ORMDL1: variants seen among roughly 807,000 people sequenced by gnomAD.
The protein encoded by ORMDL1 is ORMDL sphingolipid biosynthesis regulator 1.
ORMDL1 carries 10 observed loss-of-function variants against 13.0 expected under a neutral mutation model. The observed-to-expected ratio is 0.77, with a 90% CI of 0.47 to 1.30. The LOEUF is 1.30. Among genes scored for constraint, ORMDL1 ranks in the 50% most tolerant of loss-of-function variants. The pLI is 0.00. For missense variants in ORMDL1, 171 were observed against 186.7 expected (o/e 0.92, Z 0.49); for synonymous variants, 61 against 63.9 (o/e 0.95, Z 0.22).
At chr2:189,778,465 A>G (rs1005020575) in intron 3 of ORMDL1, 1 of 455,968 alleles carries the variant, frequency 2.2e-6, no homozygotes, top group Non-Finnish European at 4.4e-6. Flanking sequence ...TAAAACATAA[A>G]GAGATAAACT....
Position 189,775,617 on chromosome 2 carries a change from C to A in ORMDL1, c.274G>T (p.Gly92Ter). The A allele has an allele frequency of 1.2e-6, 2 of 1,613,830 alleles. No individual in the cohort carries two copies. Among genetic ancestry groups the A allele is most frequent in the Non-Finnish European group, 1.7e-6 (2 of 1,179,812 alleles). ...LLTHWEQLDYGVQFTSSRKFF... is the reference protein window; with the variant it reads ...LLTHWEQLDY ...TTCCGTGAAGATGTAAACTGTACTC[C>A]ATAGTCCAGTTGTTCCCAATGAGTT... The change falls in exon 4 of 5, where the codon GGA becomes TGA. Residue 92 changes from glycine to a stop codon, truncating the protein, a stop_gained. Transcript: ENST00000392349. LOFTEE classifies it high-confidence loss of function.
chr2:189,771,753 A>T lies in ORMDL1; in HGVS notation c.*14T>A. ...TTCAGTAGCTGTAAAATTTTTTTTC[A>T]GTTTCAAAACATTTCAATACTTATT... On this transcript the variant is annotated 3_prime_UTR_variant, in exon 5 of 5. Coordinates refer to ENST00000392349, the MANE Select transcript of ORMDL1 (RefSeq NM_016467.5). 6.4e-7 allele frequency: 1 copy of T among 1,571,998 alleles called. No individual in the cohort carries two copies. Among genetic ancestry groups the T allele is most frequent in the Non-Finnish European group, 8.6e-7 (1 of 1,166,000 alleles).
At chr2:189,769,164 G>A (rs772913762), downstream of ORMDL1, among the ~76,000 whole-genome samples, 1 of 152,144 alleles carries the variant, frequency 6.6e-6, no homozygotes, top group Non-Finnish European at 1.5e-5. Flanking sequence ...GAAGCGGGCA[G>A]ATCACTTGAG....
downstream of ORMDL1, among the ~76,000 whole-genome samples, chr2:189,770,010 G>A (rs2106136773): frequency 6.6e-6 from 1 of 152,276 alleles, no homozygotes; most frequent in East Asian, 1.9e-4. Context: ...AAAGGGAAGG[G>A]AGTTGGTTTT....
intron 3 of ORMDL1, among the ~76,000 whole-genome samples, chr2:189,777,524 A>AT (rs1442521062): frequency 6.6e-6 from 1 of 152,186 alleles, no homozygotes; most frequent in Non-Finnish European, 1.5e-5. Context: ...AAAACAGTTT[A>AT]TTTTATACAT....
Position 189,775,576 on chromosome 2 carries a change from A to G in ORMDL1, c.315T>C (p.Ser105=). ...FTSSRKFFTI[S]PIILYFLASF... is the part of the protein sequence containing the mutation. ...TTTCTGCCACTTACAGAATTATTGG[A>G]GAAATTGTGAAAAACTTCCGTGAAG... Residue 105 remains serine (S), a synonymous_variant, in exon 4 of 5, where the codon TCT becomes TCC. Coordinates refer to ENST00000392349, the MANE Select transcript of ORMDL1 (RefSeq NM_016467.5). 2 of 1,601,600 alleles carry G rather than the reference A, an allele frequency of 1.2e-6. No individual in the cohort carries two copies. Among genetic ancestry groups the G allele is most frequent in the Non-Finnish European group, 1.7e-6 (2 of 1,174,816 alleles).
chr2:189,768,757 C>A (rs2106135288), downstream of ORMDL1, among the ~76,000 whole-genome samples: 1 of 152,204 alleles, frequency 6.6e-6, no homozygotes. Flanking sequence ...CACAGCATAT[C>A]TGATCACCTC....
chr2:189,765,878 T>A (rs1402855499), downstream of ORMDL1, among the ~76,000 whole-genome samples: 1 of 6,044 alleles, frequency 1.7e-4, no homozygotes. Flanking sequence ...ACGTCTGGAT[T>A]GCAATTGGTG....
chr2:189,782,044 G>A (rs2047852306), intron 3 of ORMDL1, among the ~76,000 whole-genome samples: 1 of 151,768 alleles, frequency 6.6e-6, no homozygotes, highest in African/African-American at 2.4e-5. Flanking sequence ...CCAGGTTCAA[G>A]CGATTCTCCT....
At chr2:189,782,668 A>C in intron 2 of ORMDL1, 66 bp from the exon 3 acceptor site, 1 of 1,428,742 alleles carries the variant, frequency 7.0e-7, no homozygotes, top group Non-Finnish European at 9.7e-7. Flanking sequence ...CAATTCTGAC[A>C]TGACAAGGTA....
At chr2:189,765,236 TTATTAG>T in the ORMDL1 span, 5 of 152,220 alleles carry the variant, frequency 3.3e-5, no homozygotes, top group East Asian at 1.9e-4. Context: ...GCTAGGAACT[TTATTAG>T]TATAAGGATA....
At chr2:189,773,705 G>A (rs1372003440) in intron 4 of ORMDL1, among the ~76,000 whole-genome samples, 4 of 98,950 alleles carry the variant, frequency 4.0e-5, no homozygotes, top group African/African-American at 1.9e-4. Context: ...CTGGGCAGCA[G>A]AGCAAGACTC....
In ORMDL1 at chr2:189,771,557, C is replaced by A; in HGVS notation, c.*210G>T. On this transcript the variant is annotated 3_prime_UTR_variant, in exon 5 of 5. Coordinates refer to ENST00000392349, the MANE Select transcript of ORMDL1 (RefSeq NM_016467.5). ...GGCCTGCCCAGCCTGCTTATAAAGC[C>A]CCTCTTCAGAAATGTACCAGGTGTA... The A allele has an allele frequency of 2.5e-6, 1 of 398,062 alleles. No homozygotes were observed. Among genetic ancestry groups the A allele is most frequent in the Admixed American group, 4.5e-5 (1 of 22,398 alleles). 24.7% of individuals were successfully genotyped at this position (398,062 alleles called of 1,614,324 possible). A position where few individuals can be genotyped will look rare whatever the true frequency, so the allele number is the denominator to read the frequency against.
the ORMDL1 span, chr2:189,764,217 T>C: frequency 7.2e-5 from 11 of 152,234 alleles, no homozygotes; most frequent in Non-Finnish European, 1.5e-4. Flanking sequence ...AAATTAGTCA[T>C]ACGGTTAGAG....
Position 189,784,285 on chromosome 2 carries a change from G to A in ORMDL1, c.-134C>T, listed in dbSNP as rs1040544800. 1 of 152,560 alleles carries A rather than the reference G, an allele frequency of 6.6e-6. No homozygotes were observed. The highest frequency in any genetic ancestry group is 1.5e-5 in the Non-Finnish European group (1 of 68,338). The allele number at this position is 152,560 out of a possible 1,614,324, so 9.5% of individuals were successfully genotyped here. On this transcript the variant is annotated 5_prime_UTR_variant, in exon 1 of 5. Transcript: ENST00000392349. ...CCCACTTACCCGCCGCCCCACTCCG[G>A]GCCGCCGGCTCGCAGCAGGACCAGC...
At chr2:189,777,897 G>A (rs2047733519) in intron 3 of ORMDL1, among the ~76,000 whole-genome samples, 1 of 152,190 alleles carries the variant, frequency 6.6e-6, no homozygotes, top group Non-Finnish European at 1.5e-5. Context: ...CATTCAATAT[G>A]TACTTCAGAT....
intron 2 of ORMDL1, 103 bp from the exon 3 acceptor site, chr2:189,782,705 T>C: frequency 9.0e-7 from 1 of 1,112,136 alleles, no homozygotes; most frequent in Non-Finnish European, 1.3e-6. Flanking sequence ...TATTTTTTCC[T>C]AGTTACTTTG....
chr2:189,768,630 T>A (rs115537433), downstream of ORMDL1, among the ~76,000 whole-genome samples: 1,143 of 152,314 alleles, frequency 7.5e-3, 17 homozygotes, highest in African/African-American at 0.026. Context: ...TATTGAAGAT[T>A]TAAGGTTTTA....
the ORMDL1 span, chr2:189,764,365 A>G: frequency 6.6e-6 from 1 of 152,218 alleles, no homozygotes; most frequent in African/African-American, 2.4e-5. Flanking sequence ...CAAGACAAGC[A>G]AGATCCTATT....
Sources: gnomAD v4.1 joint callset for allele counts (sites outside exome capture counted in the v4.1 genomes callset) on GRCh38, gnomAD v4.1.1 for gene constraint, MANE v1.5 for transcripts, NCBI Gene and HGNC (gene_info 2026-07-23, HGNC 2026-07-21) for gene names.